CLASP2: variants seen among roughly 807,000 people sequenced by gnomAD.
CLASP2 encodes cytoplasmic linker associated protein 2, also known as CLIP-associating protein 2.
A neutral mutation model predicts 194.4 loss-of-function variants in CLASP2; 47 were observed. The observed-to-expected ratio is 0.24, with a 90% CI of 0.19 to 0.31. The LOEUF (loss-of-function observed/expected upper bound fraction) is 0.31. Ranked by LOEUF, CLASP2 falls within the 10% of genes least tolerant of loss-of-function variation. The pLI is 1.00. For synonymous variants in CLASP2, 619 were observed against 633.5 expected (o/e 0.98, Z 0.34); for missense variants, 1,445 against 1,823.6 (o/e 0.79, Z 3.78).
intron 29 of CLASP2, among the ~76,000 whole-genome samples, chr3:33,551,673 TTGA>T (rs1403048130): frequency 1.3e-5 from 2 of 152,134 alleles, no homozygotes; most frequent in African/African-American, 2.4e-5. Flanking sequence ...TATGACAGTG[TTGA>T]TGATTTTTGT....
At chr3:33,596,501 A>AT in intron 19 of CLASP2, 1 of 473,518 alleles carries the variant, frequency 2.1e-6, no homozygotes, top group Non-Finnish European at 3.8e-6. Context: ...GTTACCTAGT[A>AT]TTTGAGCAGA....
intron 29 of CLASP2, among the ~76,000 whole-genome samples, chr3:33,552,579 T>C (rs1352547068): frequency 2.0e-5 from 3 of 152,234 alleles, no homozygotes; most frequent in African/African-American, 7.2e-5. Context: ...ATTCTCTTTT[T>C]ATAAATTCAA....
chr3:33,705,352 G>C (rs1309432756), intron 1 of CLASP2, among the ~76,000 whole-genome samples: 3 of 152,192 alleles, frequency 2.0e-5, no homozygotes, highest in African/African-American at 7.2e-5. Flanking sequence ...AATCTATAAA[G>C]ATAAGAAGTA....
chr3:33,601,691 G>A (rs1259416917), intron 18 of CLASP2, among the ~76,000 whole-genome samples: 1 of 151,960 alleles, frequency 6.6e-6, no homozygotes, highest in Non-Finnish European at 1.5e-5. Context: ...TGTTTTTAAT[G>A]TTTTTATCAT....
At chr3:33,717,785 C>A in intron 1 of CLASP2, 23 bp downstream of exon 1, 1 of 1,549,290 alleles carries the variant, frequency 6.5e-7, no homozygotes, top group African/African-American at 1.4e-5. Context: ...CGTGACCAGC[C>A]CAGCCTCGCC....
Position 33,648,784 on chromosome 3 carries a change from T to C in CLASP2, c.716-3881A>G, listed in dbSNP as rs1244218847. 2.0e-5 allele frequency among the ~76,000 whole-genome samples: 3 copies of C among 152,224 alleles called. No homozygotes were observed. In the East Asian group the frequency reaches 5.8e-4, roughly 29 times the overall value. On this transcript the variant is annotated intron_variant, in intron 7 of 38. Transcript: ENST00000682230. ...TTACTGAAATAATAGACACTGATTTTTATATGTGGATTGGAAGCTTCTTAA... is the reference window on the plus strand; with the variant it reads ...TTACTGAAATAATAGACACTGATTTCTATATGTGGATTGGAAGCTTCTTAA...
intron 22 of CLASP2, among the ~76,000 whole-genome samples, chr3:33,582,723 C>A (rs1429778890): frequency 6.6e-6 from 1 of 152,042 alleles, no homozygotes. Context: ...CTTTTTCTCA[C>A]CTCCTCACAA....
At chr3:33,649,056 C>A (rs905166132) in intron 7 of CLASP2, among the ~76,000 whole-genome samples, 28 of 152,192 alleles carry the variant, frequency 1.8e-4, no homozygotes, top group African/African-American at 6.8e-4. Context: ...TTATCTCCTA[C>A]TTCTTTCTCT....
chr3:33,588,169 C>T (rs1371988016), intron 21 of CLASP2, among the ~76,000 whole-genome samples: 1 of 152,142 alleles, frequency 6.6e-6, no homozygotes, highest in Non-Finnish European at 1.5e-5. Context: ...CTCTGCAATA[C>T]TCCTGATTCC....
chr3:33,554,453 A>G (rs1211180247), intron 29 of CLASP2, among the ~76,000 whole-genome samples: 1 of 152,216 alleles, frequency 6.6e-6, no homozygotes, highest in African/African-American at 2.4e-5. Context: ...GCACGTAAAA[A>G]GTCAAATTTA....
In CLASP2 at chr3:33,717,723, A is replaced by C. The variant is rs2125492176; in HGVS notation, c.195+85T>G. The C allele has an allele frequency of 2.8e-6, 4 of 1,420,474 alleles. No individual in the cohort carries two copies. The East Asian group carries it at 1.0e-4, about 35-fold the overall frequency. 88.0% of individuals were successfully genotyped at this position (1,420,474 alleles called of 1,614,324 possible). On this transcript the variant is annotated intron_variant, in intron 1 of 38. Transcript: ENST00000682230. ...CCTCTTAAGCAGTGGTTCGGACGGG[A>C]GCTTTCCCGGCCCGGCGCTCGCGTC...
At chr3:33,672,534 G>A (rs1188775545) in intron 6 of CLASP2, among the ~76,000 whole-genome samples, 2 of 152,204 alleles carry the variant, frequency 1.3e-5, no homozygotes, top group African/African-American at 4.8e-5. Flanking sequence ...AAAAAGCAGA[G>A]CACCTCTCCT....
chr3:33,628,219 T>A (rs1021281697), intron 9 of CLASP2, among the ~76,000 whole-genome samples: 1 of 152,176 alleles, frequency 6.6e-6, no homozygotes, highest in Non-Finnish European at 1.5e-5. Flanking sequence ...GAGACAAGGC[T>A]GAAGAGGTAG....
intron 1 of CLASP2, among the ~76,000 whole-genome samples, chr3:33,714,892 A>C (rs183803942): frequency 6.6e-6 from 1 of 152,236 alleles, no homozygotes; most frequent in African/African-American, 2.4e-5. Flanking sequence ...CCATATTTAG[A>C]ATAAAATCCT....
intron 34 of CLASP2, among the ~76,000 whole-genome samples, chr3:33,526,132 C>A (rs2054503700): frequency 6.6e-6 from 1 of 151,716 alleles, no homozygotes; most frequent in African/African-American, 2.4e-5. Context: ...ACCACCATGC[C>A]CAGCTAATTT....
At chr3:33,641,292 A>G (rs2081237140) in intron 8 of CLASP2, among the ~76,000 whole-genome samples, 1 of 152,000 alleles carries the variant, frequency 6.6e-6, no homozygotes, top group Non-Finnish European at 1.5e-5. Context: ...GTAACCATTG[A>G]GCCAAAAGAA....
At chr3:33,622,457 C>T (rs956250682) in intron 10 of CLASP2, among the ~76,000 whole-genome samples, 177 bp from the exon 11 acceptor site, 1 of 151,994 alleles carries the variant, frequency 6.6e-6, no homozygotes, top group Non-Finnish European at 1.5e-5. Flanking sequence ...AATAAATATG[C>T]CAACAAAAAG....
In CLASP2 at chr3:33,515,938, A is replaced by G. The variant is rs2051199167; in HGVS notation, c.4110+85T>C. 6.4e-5 allele frequency: 86 copies of G among 1,342,468 alleles called. 1 individual carries two copies. In the Middle Eastern group the frequency reaches 1.1e-3, roughly 17 times the overall value. The allele number at this position is 1,342,468 out of a possible 1,614,324, so 83.2% of individuals were successfully genotyped here. A position where few individuals can be genotyped will look rare whatever the true frequency, so the allele number is the denominator to read the frequency against. On this transcript the variant is annotated intron_variant, in intron 36 of 38. Coordinates refer to ENST00000682230, the MANE Select transcript of CLASP2 (RefSeq NM_001365631.1). ...GTCAAGGCAAATGTTCAAGAAAATC[A>G]TTAATAAGGCTACATTTTACACAAT...
intron 6 of CLASP2, among the ~76,000 whole-genome samples, chr3:33,680,719 G>C (rs779159460): frequency 3.9e-5 from 6 of 152,180 alleles, no homozygotes; most frequent in Non-Finnish European, 7.3e-5. Flanking sequence ...GCTGAAGTGG[G>C]AGGATTGCTT....
Sources: allele counts gnomAD v4.1 joint callset (sites outside exome capture counted in the v4.1 genomes callset), GRCh38; gene constraint gnomAD v4.1.1; transcripts MANE v1.5; gene names NCBI Gene and HGNC (gene_info 2026-07-23, HGNC 2026-07-21).